The following MRPL45 variants were observed in gnomAD, a reference collection of about 807,000 sequenced individuals.
MRPL45 encodes large ribosomal subunit protein mL45.
MRPL45 carries 20 observed loss-of-function variants against 38.1 expected under a neutral mutation model. That is an observed-to-expected ratio of 0.53 (90% CI 0.37 to 0.76). The LOEUF is 0.76. Among genes scored for constraint, MRPL45 ranks in the 30% least tolerant of loss-of-function variants. The probability of loss-of-function intolerance (pLI) is 0.00; values close to 1 mark genes in which losing one functional copy is unlikely to be tolerated. For missense variants in MRPL45, 337 were observed against 395.6 expected, an observed-to-expected ratio of 0.85 and a Z score of 1.26; for synonymous variants, 105 against 128.8, an observed-to-expected ratio of 0.82 and a Z score of 1.25.
intron 6 of MRPL45, 125 bp downstream of exon 6, chr17:38,320,892 C>A: frequency 1.1e-6 from 1 of 911,524 alleles, no homozygotes; most frequent in Non-Finnish European, 1.7e-6. Flanking sequence ...TGTGATCTGT[C>A]TTCCTTGCTG....
chr17:38,312,049 C>CT lies in MRPL45; in HGVS notation c.461+5432dup, dbSNP rs1392041180. ...CTTAATTTTATTTTTATTTTTTTAT[C>CT]TTTTTTTTTTTTTTGAGATGGAGTT... On this transcript the variant is annotated intron_variant, in intron 4 of 7. Coordinates refer to ENST00000613675, the MANE Select transcript of MRPL45 (RefSeq NM_032351.6). Among the ~76,000 whole-genome samples, 264 of 142,330 alleles carry CT rather than the reference C, an allele frequency of 1.9e-3. 2 individuals are homozygous for CT. Among genetic ancestry groups the CT allele is most frequent in the Middle Eastern group, 7.1e-3 (2 of 282 alleles). 93.4% of individuals were successfully genotyped at this position (142,330 alleles called of 152,430 possible). A position where few individuals can be genotyped will look rare whatever the true frequency, so the allele number is the denominator to read the frequency against.
chr17:38,301,762 A>G (rs899106653), intron 3 of MRPL45, among the ~76,000 whole-genome samples: 4 of 152,164 alleles, frequency 2.6e-5, no homozygotes, highest in Non-Finnish European at 5.9e-5. Flanking sequence ...GTCATTAAAT[A>G]CTGATCGCAC....
At chr17:38,299,089 C>T (rs1226401051) in intron 2 of MRPL45, among the ~76,000 whole-genome samples, 1 of 151,472 alleles carries the variant, frequency 6.6e-6, no homozygotes, top group East Asian at 1.9e-4. Context: ...GGGGTTTCAC[C>T]ATCTTGGCCA....
intron 4 of MRPL45, among the ~76,000 whole-genome samples, chr17:38,317,869 G>A (rs370495618): frequency 6.6e-6 from 1 of 151,798 alleles, no homozygotes; most frequent in African/African-American, 2.4e-5. Flanking sequence ...CACCATGCCC[G>A]GCTGTTTTGT....
At chr17:38,315,625 T>C (rs180878999) in intron 4 of MRPL45, among the ~76,000 whole-genome samples, 501 of 152,186 alleles carry the variant, frequency 3.3e-3, no homozygotes, top group African/African-American at 0.01. Context: ...TTGGTTTTAA[T>C]GTTTCTTGGT....
chr17:38,317,603 G>C (rs1030489154), intron 4 of MRPL45, among the ~76,000 whole-genome samples: 1 of 151,482 alleles, frequency 6.6e-6, no homozygotes, highest in East Asian at 1.9e-4. Context: ...ACGGAATCTC[G>C]CTCTGTCACT....
At chr17:38,320,428 C>T (rs1408574119) in intron 5 of MRPL45, among the ~76,000 whole-genome samples, 190 bp from the exon 6 acceptor site, 1 of 152,108 alleles carries the variant, frequency 6.6e-6, no homozygotes, top group African/African-American at 2.4e-5. Flanking sequence ...AGAGAGTTGT[C>T]AGGTAAGCTT....
intron 4 of MRPL45, among the ~76,000 whole-genome samples, chr17:38,316,579 C>T (rs565235878): frequency 9.3e-4 from 141 of 151,562 alleles, no homozygotes; most frequent in African/African-American, 3.1e-3. Context: ...GAGGCCGAGG[C>T]GGGCAGATCA....
intron 6 of MRPL45, 115 bp downstream of exon 6, chr17:38,320,882 T>A: frequency 1.0e-6 from 1 of 987,476 alleles, no homozygotes; most frequent in East Asian, 2.4e-5. Context: ...AAAGGTACAC[T>A]GTGATCTGTC....
At chr17:38,300,925 A>G (rs2036988809) in intron 3 of MRPL45, among the ~76,000 whole-genome samples, 1 of 152,210 alleles carries the variant, frequency 6.6e-6, no homozygotes, top group African/African-American at 2.4e-5. Flanking sequence ...CAGCCTGGGC[A>G]ACAAGGGCGA....
At chr17:38,307,507 TTAAAA>T (rs1466366309) in intron 4 of MRPL45, among the ~76,000 whole-genome samples, 2 of 152,036 alleles carry the variant, frequency 1.3e-5, no homozygotes, top group Non-Finnish European at 2.9e-5. Flanking sequence ...ACCCAGCTAA[TTAAAA>T]TAAACTTTTT....
At position 38,312,356 on chromosome 17, in the gene MRPL45, C is replaced by G. The variant is rs564202703; in HGVS notation, c.461+5725C>G. Among the ~76,000 whole-genome samples, 17 of 152,198 alleles carry G rather than the reference C, an allele frequency of 1.1e-4. No individual in the cohort carries two copies. In the East Asian group the frequency reaches 3.1e-3, roughly 28 times the overall value. ...CCACCGTGCCCAGCCACGTATGTCT[C>G]CTTATTAAGGCTGAATAATATTTCA... On this transcript the variant is annotated intron_variant, in intron 4 of 7. Coordinates refer to ENST00000613675, the MANE Select transcript of MRPL45 (RefSeq NM_032351.6).
chr17:38,314,506 C>A (rs2037155573), intron 4 of MRPL45, among the ~76,000 whole-genome samples: 1 of 152,098 alleles, frequency 6.6e-6, no homozygotes, highest in Non-Finnish European at 1.5e-5. Flanking sequence ...CGAGTTTTTT[C>A]TTTTGGTGTC....
intron 3 of MRPL45, among the ~76,000 whole-genome samples, chr17:38,303,933 G>C (rs1192712511): frequency 3.9e-5 from 6 of 152,102 alleles, no homozygotes; most frequent in Non-Finnish European, 8.8e-5. Flanking sequence ...CACCATGTTG[G>C]TCAGGCTGAT....
chr17:38,318,822 CTTTTCTTTTTT>C (rs1480077595), intron 5 of MRPL45, 87 bp downstream of exon 5: 386,627 of 575,454 alleles, frequency 0.67, 112,680 homozygotes, highest in Admixed American at 0.72. Flanking sequence ...CTTTTCTTTT[CTTTTCTTTTTT>C]TTTTTTTTTT....
intron 6 of MRPL45, 83 bp downstream of exon 6, chr17:38,320,850 C>A (rs550420495): frequency 7.3e-7 from 1 of 1,370,912 alleles, no homozygotes; most frequent in South Asian, 1.2e-5. Context: ...GGTATGGTTG[C>A]CCAGGACTGT....
In MRPL45 at chr17:38,322,154, G is replaced by T. The variant is rs770873976; in HGVS notation, c.689G>T (p.Arg230Leu). The T allele has an allele frequency of 6.2e-7, 1 of 1,614,088 alleles. No individual in the cohort carries two copies. The highest frequency in any genetic ancestry group is 1.7e-5 in the Admixed American group (1 of 60,000). The change falls in exon 7 of 8, where the codon CGG becomes CTG. Residue 230 changes from arginine (R) to leucine (L), a missense_variant. By Grantham distance (102) the Arg-to-Leu change is moderately radical. Around this residue, in one of 3 missense-constraint regions of MRPL45, gnomAD observed 251 missense variants for 269.1 expected, o/e 0.93. Coordinates refer to ENST00000613675, the MANE Select transcript of MRPL45 (RefSeq NM_032351.6). Reference protein sequence around the residue: ...QTLAIYDRFGRLMYGQEDVPK... With the variant: ...QTLAIYDRFGLLMYGQEDVPK... The stretch of plus-strand genomic sequence containing the variant: ...CTGGCCATCTATGACCGGTTTGGCC[G>T]GTTGATGTATGGACAGGAAGATGTA...
chr17:38,320,530 T>G (rs940496330), intron 5 of MRPL45, 88 bp from the exon 6 acceptor site: 8 of 1,389,442 alleles, frequency 5.8e-6, no homozygotes, highest in Non-Finnish European at 8.0e-6. Context: ...TTGGCTGTAG[T>G]CTTGCAGGAA....
intron 4 of MRPL45, among the ~76,000 whole-genome samples, chr17:38,309,976 CT>C (rs967906811): frequency 4.9e-4 from 74 of 151,194 alleles, no homozygotes; most frequent in African/African-American, 1.5e-3. Context: ...TTTTTCCAAC[CT>C]TTTTTTTTCC....
Sources: allele counts gnomAD v4.1 joint callset (sites outside exome capture counted in the v4.1 genomes callset), GRCh38; gene constraint gnomAD v4.1.1; regional missense constraint gnomAD v4.1.1; transcripts MANE v1.5; gene names NCBI Gene and HGNC (gene_info 2026-07-23, HGNC 2026-07-21).